PMPCB: variants seen among roughly 807,000 people sequenced by gnomAD.
PMPCB encodes mitochondrial-processing peptidase subunit beta.
A neutral mutation model predicts 61.5 loss-of-function variants in PMPCB; 46 were observed. The observed-to-expected ratio is 0.75, with a 90% CI of 0.59 to 0.96. The LOEUF (loss-of-function observed/expected upper bound fraction) is 0.96, where lower values mean the gene tolerates loss of function less well. Among genes scored for constraint, PMPCB ranks in the 40% least tolerant of loss-of-function variants. The pLI, the probability that PMPCB is intolerant of heterozygous loss-of-function variation, is 0.00. For missense variants in PMPCB, 590 were observed against 602.4 expected (o/e 0.98, Z 0.22); for synonymous variants, 191 against 201.6 (o/e 0.95, Z 0.44).
chr7:103,344,380 T>C, the PMPCB span: 1 of 646,410 alleles, frequency 1.5e-6, no homozygotes, highest in Non-Finnish European at 2.7e-6. Context: ...CCCTCCTTCC[T>C]TCTAATCTAG....
chr7:103,325,332 G>A (rs1818645402), intron 12 of PMPCB, among the ~76,000 whole-genome samples: 1 of 152,110 alleles, frequency 6.6e-6, no homozygotes, highest in Admixed American at 6.5e-5. Context: ...AGCTACTCAG[G>A]AGGCTGAGGC....
At chr7:103,323,225 C>T (rs532674732) in intron 12 of PMPCB, among the ~76,000 whole-genome samples, 28 of 152,226 alleles carry the variant, frequency 1.8e-4, no homozygotes, top group South Asian at 1.2e-3. Context: ...CCAGCACGCC[C>T]GGCCTAAACA....
At chr7:103,337,409 A>G in the PMPCB span, 22 of 193,644 alleles carry the variant, frequency 1.1e-4, no homozygotes, top group Middle Eastern at 1.9e-3. Context: ...AAAAGGCAGT[A>G]TCCACTAAGT....
the PMPCB span, among the ~76,000 whole-genome samples, chr7:103,345,430 C>G: frequency 6.6e-6 from 1 of 151,822 alleles, no homozygotes. Flanking sequence ...CAGTCAAAAG[C>G]AAAAACTAGC....
rs762007020 is a variant in PMPCB at position 103,303,828 on chromosome 7, T to C, written c.458-14T>C. ...GATTGCTGGCACGTTTTCTTATATT[T>C]TATTTTCAATTAGCTGTAGAAATTC... On this transcript the variant is annotated splice_polypyrimidine_tract_variant and intron_variant, in intron 4 of 12. Transcript: ENST00000249269. 7.6e-6 allele frequency: 12 copies of C among 1,570,972 alleles called. No individual in the cohort carries two copies. In the East Asian group the frequency reaches 2.7e-4, roughly 36 times the overall value.
At chr7:103,324,615 G>T in intron 12 of PMPCB, 1 of 1,305,550 alleles carries the variant, frequency 7.7e-7, no homozygotes, top group Non-Finnish European at 1.0e-6. Context: ...ATGTACAACA[G>T]TTCAACAAAC....
intron 12 of PMPCB, chr7:103,327,561 TTGAA>T (rs1277873038): frequency 1.2e-6 from 1 of 805,440 alleles, no homozygotes; most frequent in Non-Finnish European, 2.0e-6. Context: ...CAAAGGATAG[TTGAA>T]TGAACTACAG....
chr7:103,325,212 G>A (rs1209184826), intron 12 of PMPCB, among the ~76,000 whole-genome samples: 2 of 152,210 alleles, frequency 1.3e-5, no homozygotes, highest in Non-Finnish European at 2.9e-5. Context: ...GGGAGGCCGA[G>A]GCCAGCGGAT....
chr7:103,304,824 T>C (rs1817536277), intron 6 of PMPCB, among the ~76,000 whole-genome samples: 1 of 151,950 alleles, frequency 6.6e-6, no homozygotes, highest in South Asian at 2.1e-4. Context: ...CTGGGCGTGG[T>C]GACATGCGCC....
chr7:103,346,614 A>G, the PMPCB span, among the ~76,000 whole-genome samples: 1 of 152,186 alleles, frequency 6.6e-6, no homozygotes, highest in African/African-American at 2.4e-5. Flanking sequence ...CAAAACTGAA[A>G]CTATGCCAGT....
At chr7:103,297,625 G>A (rs1424930256) in intron 1 of PMPCB, 67 bp downstream of exon 1, 2 of 1,599,320 alleles carry the variant, frequency 1.3e-6, no homozygotes, top group Admixed American at 1.7e-5. Context: ...GCACCTGAGA[G>A]TCGGCGCCAC....
At chr7:103,306,877 TC>T in intron 6 of PMPCB, among the ~76,000 whole-genome samples, 1 of 152,272 alleles carries the variant, frequency 6.6e-6, no homozygotes, top group East Asian at 1.9e-4. Context: ...TGCCTCAGCC[TC>T]CTGAATAGCT....
At chr7:103,317,094 G>A (rs1312593909), downstream of PMPCB, 1 of 1,229,492 alleles carries the variant, frequency 8.1e-7, no homozygotes, top group African/African-American at 1.5e-5. Flanking sequence ...AGGGCTTTGT[G>A]GTCCTCAACT....
At chr7:103,337,300 G>C in the PMPCB span, 2 of 153,180 alleles carry the variant, frequency 1.3e-5, no homozygotes, top group African/African-American at 4.8e-5. Context: ...TAAAACATCA[G>C]ACAACTTTTC....
chr7:103,299,678 A>G, intron 3 of PMPCB, 149 bp downstream of exon 3: 1 of 532,672 alleles, frequency 1.9e-6, no homozygotes, highest in Non-Finnish European at 3.3e-6. Flanking sequence ...AGTAGTGATA[A>G]TTGCTTTGTA....
rs1187169234 is a variant in PMPCB at position 103,304,502 on chromosome 7, TA to T, written c.736+15del. On this transcript the variant is annotated intron_variant, in intron 6 of 12. Coordinates refer to ENST00000249269, the MANE Select transcript of PMPCB (RefSeq NM_004279.3). ...TGCTGCTGCTGGAGGTTAGTCAATT[TA>T]AATTTCTACAAATGTTTTAAACACA... 3 of 1,559,456 alleles carry T rather than the reference TA, an allele frequency of 1.9e-6. No individual in the cohort carries two copies. The highest frequency in any genetic ancestry group is 2.7e-6 in the Non-Finnish European group (3 of 1,130,232).
intron 12 of PMPCB, chr7:103,319,905 C>T: frequency 1.3e-6 from 2 of 1,569,246 alleles, no homozygotes; most frequent in Non-Finnish European, 8.8e-7. Flanking sequence ...AACATAATTA[C>T]AAAGCTGTAA....
chr7:103,304,010 G>A lies in PMPCB; in HGVS notation c.626G>A (p.Arg209Gln), dbSNP rs145718159. Residue 209 changes from arginine (R) to glutamine (Q), a missense_variant, in exon 5 of 13, where the codon CGG becomes CAG. By Grantham distance (43) the Arg-to-Gln change is conservative (BLOSUM62 1). Coordinates refer to ENST00000249269, the MANE Select transcript of PMPCB (RefSeq NM_004279.3). Reference sequence around the variant, plus strand: ...GCTTATCAAAATACTGCACTTGGACGGACAATTTTGGGACCAACTGAAAAT... The same window carrying A: ...GCTTATCAAAATACTGCACTTGGACAGACAATTTTGGGACCAACTGAAAAT... ...ATAYQNTALGRTILGPTENIK... is the reference protein window; with the variant it reads ...ATAYQNTALGQTILGPTENIK... 93 of 1,613,384 alleles carry A rather than the reference G, an allele frequency of 5.8e-5. No individual in the cohort carries two copies. In the African/African-American group the frequency reaches 8.7e-4, roughly 15 times the overall value.
the PMPCB span, among the ~76,000 whole-genome samples, chr7:103,341,206 G>T: frequency 6.6e-6 from 1 of 152,082 alleles, no homozygotes; most frequent in Non-Finnish European, 1.5e-5. Flanking sequence ...CCAGTCCCTT[G>T]CCCCCTTTCA....
Sources: allele counts gnomAD v4.1 joint callset (sites outside exome capture counted in the v4.1 genomes callset), GRCh38; gene constraint gnomAD v4.1.1; transcripts MANE v1.5; gene names NCBI Gene and HGNC (gene_info 2026-07-23, HGNC 2026-07-21).